FBN1: variants seen among roughly 807,000 people sequenced by gnomAD.
The protein encoded by FBN1 is fibrillin 1.
A neutral mutation model predicts 365.1 loss-of-function variants in FBN1; 29 were observed. The ratio of observed to expected loss-of-function variants is 0.08; its 90% confidence interval spans 0.06 to 0.11. The LOEUF (loss-of-function observed/expected upper bound fraction) is 0.11, where lower values mean the gene tolerates loss of function less well. FBN1 is among the 10% of genes least tolerant of loss of function. The pLI, the probability that FBN1 is intolerant of heterozygous loss-of-function variation, is 1.00. For synonymous variants in FBN1, 1,210 were observed against 1,270.5 expected (o/e 0.95, Z 1.01); for missense variants, 2,476 against 3,703.2 (o/e 0.67, Z 8.60).
intron 30 of FBN1, among the ~76,000 whole-genome samples, chr15:48,484,808 C>T (rs1490788749): frequency 1.3e-5 from 2 of 152,192 alleles, no homozygotes; most frequent in Non-Finnish European, 1.5e-5. Context: ...TATGTTATTA[C>T]CCACTTTGTT....
chr15:48,634,574 C>T (rs1204358498), intron 2 of FBN1, among the ~76,000 whole-genome samples: 1 of 152,108 alleles, frequency 6.6e-6, no homozygotes, highest in African/African-American at 2.4e-5. Context: ...CTTCCTTCCC[C>T]TAACAAAAAC....
At chr15:48,612,721 A>G (rs1248671162) in intron 3 of FBN1, among the ~76,000 whole-genome samples, 1 of 152,140 alleles carries the variant, frequency 6.6e-6, no homozygotes, top group Non-Finnish European at 1.5e-5. Flanking sequence ...CAGCAATAAT[A>G]CCCTTTCATT....
At chr15:48,460,972 G>C (rs1257022969) in intron 42 of FBN1, among the ~76,000 whole-genome samples, 2 of 152,158 alleles carry the variant, frequency 1.3e-5, no homozygotes, top group African/African-American at 4.8e-5. Context: ...TTCTAACTGT[G>C]AGATTTTGTG....
At chr15:48,598,294 T>C (rs755303604) in intron 5 of FBN1, among the ~76,000 whole-genome samples, 4 of 152,220 alleles carry the variant, frequency 2.6e-5, no homozygotes, top group Non-Finnish European at 5.9e-5. Context: ...GTAACATTTA[T>C]GTCCTCTAAT....
chr15:48,449,449 CT>C (rs894745631), intron 45 of FBN1, among the ~76,000 whole-genome samples: 5 of 152,164 alleles, frequency 3.3e-5, no homozygotes, highest in African/African-American at 1.2e-4. Context: ...CACAGGGCTC[CT>C]TTTAGCATGT....
At chr15:48,617,262 C>T (rs564949111) in intron 2 of FBN1, among the ~76,000 whole-genome samples, 1 of 152,164 alleles carries the variant, frequency 6.6e-6, no homozygotes, top group Non-Finnish European at 1.5e-5. Flanking sequence ...TCAACCTCCG[C>T]CTCCCGGGTT....
At chr15:48,439,664 A>G (rs1199628379) in intron 50 of FBN1, among the ~76,000 whole-genome samples, 1 of 152,074 alleles carries the variant, frequency 6.6e-6, no homozygotes. Flanking sequence ...ATGTTGTAAT[A>G]TTGGTGTATT....
At position 48,495,133 on chromosome 15, in the gene FBN1, T is replaced by C. The variant is rs780192241; in HGVS notation, c.2667A>G (p.Leu889=). 2 of 1,614,080 alleles carry C rather than the reference T, an allele frequency of 1.2e-6. No individual in the cohort carries two copies. Among genetic ancestry groups the C allele is most frequent in the Non-Finnish European group, 8.5e-7 (1 of 1,179,988 alleles). The part of the protein sequence containing the change: ...LGAAWGSPCT[L]CQVDPICGKG... ...ATGGGTTTCTCTTACCAACTTGGCA[T>C]AGGGTGCACGGGCTTCCCCACGCAG... is the stretch of plus-strand genomic sequence containing the variant. Residue 889 remains leucine, a synonymous_variant, in exon 22 of 66, where the codon CTA becomes CTG. Transcript: ENST00000316623.
intron 9 of FBN1, 77 bp from the exon 10 acceptor site, chr15:48,520,894 C>G (rs1169266466): frequency 6.3e-7 from 1 of 1,590,322 alleles, no homozygotes; most frequent in East Asian, 2.2e-5. Flanking sequence ...GCCCGAGCAG[C>G]TCCATACTTC....
chr15:48,535,928 T>C (rs557846562), intron 7 of FBN1, among the ~76,000 whole-genome samples: 100 of 152,360 alleles, frequency 6.6e-4, no homozygotes, highest in Middle Eastern at 3.4e-3. Context: ...AGCTGTCTTG[T>C]TGATCATGAT....
chr15:48,517,976 T>C (rs933935790), intron 10 of FBN1, among the ~76,000 whole-genome samples: 6 of 152,346 alleles, frequency 3.9e-5, no homozygotes, highest in African/African-American at 9.6e-5. Flanking sequence ...AGGAAAGTAC[T>C]GTTGGTACTT....
In FBN1 at chr15:48,596,301, C is replaced by T; in HGVS notation, c.520G>A (p.Gly174Arg). The T allele has an allele frequency of 6.2e-7, 1 of 1,614,004 alleles. No homozygotes were observed. The highest frequency in any genetic ancestry group is 8.5e-7 in the Non-Finnish European group (1 of 1,179,880). ...CCATTACCTCTTTCACACTGGGGTCCAGTAAATCCGTAAGTGCATGCACAT... is the reference window on the plus strand; with the variant it reads ...CCATTACCTCTTTCACACTGGGGTCTAGTAAATCCGTAAGTGCATGCACAT... ...NRCACTYGFT[G>R]PQCERDYRTG... Residue 174 changes from glycine to arginine, a missense_variant, in exon 6 of 66, where the codon GGA (glycine) becomes AGA (arginine). Around this residue, in one of 5 missense-constraint regions of FBN1, gnomAD observed 421 missense variants for 520.1 expected, o/e 0.81. Transcript: ENST00000316623.
rs549298319 is a variant in FBN1, at chr15:48,472,188, C to A, written c.4336+363G>T. 5.9e-5 allele frequency among the ~76,000 whole-genome samples: 9 copies of A among 152,328 alleles called. 1 individual carries two copies. Among genetic ancestry groups the A allele is most frequent in the African/African-American group, 2.2e-4 (9 of 41,580 alleles). ...CAACAGGACATTATCAGGGAACTTGCACTTTCAGCTCTTTTCTCCCTCAGT... is the reference window on the plus strand; with the variant it reads ...CAACAGGACATTATCAGGGAACTTGAACTTTCAGCTCTTTTCTCCCTCAGT... On this transcript the variant is annotated intron_variant, in intron 35 of 65. Coordinates refer to ENST00000316623, the MANE Select transcript of FBN1 (RefSeq NM_000138.5).
chr15:48,428,304 T>C, intron 57 of FBN1, 42 bp downstream of exon 57: 5 of 1,610,266 alleles, frequency 3.1e-6, no homozygotes, highest in Non-Finnish European at 3.4e-6. Context: ...CATCCCAGTG[T>C]GGAGGCTGAG....
At chr15:48,589,000 C>T (rs1021074297) in intron 6 of FBN1, among the ~76,000 whole-genome samples, 6 of 152,214 alleles carry the variant, frequency 3.9e-5, no homozygotes, top group Non-Finnish European at 8.8e-5. Context: ...ATAGTTTGCA[C>T]TCCAGCAATT....
chr15:48,546,817 G>C (rs2044096950), intron 6 of FBN1, among the ~76,000 whole-genome samples: 2 of 152,128 alleles, frequency 1.3e-5, no homozygotes, highest in African/African-American at 2.4e-5. Context: ...GGACGTCCTT[G>C]GGCCAAAGAA....
intron 42 of FBN1, among the ~76,000 whole-genome samples, chr15:48,462,671 T>A (rs560948740): frequency 1.3e-5 from 2 of 152,190 alleles, no homozygotes; most frequent in Non-Finnish European, 2.9e-5. Context: ...AACATTTACA[T>A]CTTTGTAGGC....
At chr15:48,493,502 A>G (rs919582108) in intron 23 of FBN1, among the ~76,000 whole-genome samples, 1 of 152,188 alleles carries the variant, frequency 6.6e-6, no homozygotes, top group African/African-American at 2.4e-5. Flanking sequence ...CCACTTGTAC[A>G]ACAAAATATG....
chr15:48,610,636 T>A, intron 4 of FBN1, 92 bp downstream of exon 4: 1 of 927,662 alleles, frequency 1.1e-6, no homozygotes, highest in South Asian at 1.4e-5. Context: ...AAAAATGTAT[T>A]GCAGGAAAGA....
Sources: allele counts gnomAD v4.1 joint callset (sites outside exome capture counted in the v4.1 genomes callset), GRCh38; gene constraint gnomAD v4.1.1; regional missense constraint gnomAD v4.1.1; transcripts MANE v1.5; gene names NCBI Gene and HGNC (gene_info 2026-07-23, HGNC 2026-07-21).